The following GPC5 variants were observed in gnomAD, a reference collection of about 807,000 sequenced individuals.
GPC5 encodes glypican-5.
A neutral mutation model predicts 53.9 loss-of-function variants in GPC5; 47 were observed. The ratio of observed to expected loss-of-function variants is 0.87; its 90% confidence interval spans 0.69 to 1.11. The LOEUF (loss-of-function observed/expected upper bound fraction) is 1.11, where lower values mean the gene tolerates loss of function less well. Ranked by LOEUF, GPC5 falls within the 50% of genes most tolerant of loss-of-function variation. The probability of loss-of-function intolerance (pLI) is 0.00; values close to 1 mark genes in which losing one functional copy is unlikely to be tolerated. For missense variants in GPC5, 748 were observed against 713.1 expected, an observed-to-expected ratio of 1.05 and a Z score of -0.56; for synonymous variants, 286 against 263.3, an observed-to-expected ratio of 1.09 and a Z score of -0.84.
chr13:92,056,591 A>G (rs1022228164), intron 6 of GPC5, among the ~76,000 whole-genome samples: 5 of 152,206 alleles, frequency 3.3e-5, no homozygotes, highest in East Asian at 1.9e-4. Flanking sequence ...ATGAGAATTA[A>G]TATTTTCTTC....
intron 7 of GPC5, among the ~76,000 whole-genome samples, chr13:92,234,106 C>T (rs2042551708): frequency 6.6e-6 from 1 of 152,138 alleles, no homozygotes; most frequent in African/African-American, 2.4e-5. Context: ...GTGAATAGTG[C>T]TGCAATAAAC....
At chr13:91,402,802 T>G (rs1198624000) in intron 1 of GPC5, among the ~76,000 whole-genome samples, 1 of 152,204 alleles carries the variant, frequency 6.6e-6, no homozygotes, top group Non-Finnish European at 1.5e-5. Context: ...CAATAATGAG[T>G]TGGTTTCAAG....
intron 3 of GPC5, 111 bp downstream of exon 3, chr13:91,693,992 ATAT>A (rs2139818429): frequency 1.2e-6 from 1 of 820,502 alleles, no homozygotes; most frequent in Non-Finnish European, 1.9e-6. Context: ...TCAATCCAAG[ATAT>A]TATTTTTTTA....
intron 7 of GPC5, among the ~76,000 whole-genome samples, chr13:92,838,912 G>C (rs1878321249): frequency 6.6e-6 from 1 of 152,296 alleles, no homozygotes; most frequent in Non-Finnish European, 1.5e-5. Context: ...CTGCCATGAA[G>C]CTTATACTTT....
chr13:92,836,639 C>T (rs1878229132), intron 7 of GPC5, among the ~76,000 whole-genome samples: 1 of 151,842 alleles, frequency 6.6e-6, no homozygotes, highest in Non-Finnish European at 1.5e-5. Context: ...AGTTATTTCC[C>T]TAATGATATT....
At chr13:92,081,447 A>T (rs1254431970) in intron 6 of GPC5, among the ~76,000 whole-genome samples, 4 of 152,218 alleles carry the variant, frequency 2.6e-5, no homozygotes, top group Non-Finnish European at 4.4e-5. Context: ...GCTAAGACAT[A>T]ATAACTGTTG....
chr13:91,409,982 T>C (rs1194131281), intron 1 of GPC5, among the ~76,000 whole-genome samples: 3 of 152,238 alleles, frequency 2.0e-5, no homozygotes, highest in Non-Finnish European at 4.4e-5. Context: ...CATTCCTGTG[T>C]TAATTTGCTT....
intron 7 of GPC5, among the ~76,000 whole-genome samples, chr13:92,577,304 A>G (rs1883217241): frequency 6.6e-6 from 1 of 152,194 alleles, no homozygotes; most frequent in African/African-American, 2.4e-5. Flanking sequence ...ATCTCGCTTT[A>G]GTCCAGAGTT....
Position 92,438,755 on chromosome 13 carries a change from G to A in GPC5, c.1561+293766G>A, listed in dbSNP as rs184054363. On this transcript the variant is annotated intron_variant, in intron 7 of 7. Transcript: ENST00000377067. ...GACATATTGAGGGAATTTTGGAGGC[G>A]GATTCTAAAACAATTGGTAGTTAAA... is the stretch of plus-strand genomic sequence containing the variant. Among the ~76,000 whole-genome samples the A allele has an allele frequency of 1.1e-4, 17 of 151,986 alleles. No individual in the cohort carries two copies. In the East Asian group the frequency reaches 1.5e-3, roughly 14 times the overall value.
intron 6 of GPC5, among the ~76,000 whole-genome samples, chr13:92,053,937 C>G (rs1054142999): frequency 7.4e-4 from 113 of 151,800 alleles, no homozygotes; most frequent in East Asian, 5.8e-4. Flanking sequence ...GAGGCTGAGA[C>G]AGGAGAATCA....
intron 6 of GPC5, among the ~76,000 whole-genome samples, chr13:92,055,430 A>G (rs748337257): frequency 6.6e-6 from 1 of 152,238 alleles, no homozygotes; most frequent in African/African-American, 2.4e-5. Context: ...AAAATTGCTA[A>G]CAAAATTCAA....
chr13:92,385,462 A>G (rs1183375381), intron 7 of GPC5, among the ~76,000 whole-genome samples: 73 of 111,118 alleles, frequency 6.6e-4, no homozygotes, highest in Non-Finnish European at 1.0e-3. Flanking sequence ...ACATATATAC[A>G]CATATATACA....
intron 7 of GPC5, among the ~76,000 whole-genome samples, chr13:92,344,063 A>G (rs1200329552): frequency 3.4e-5 from 5 of 145,092 alleles, no homozygotes; most frequent in African/African-American, 1.3e-4. Flanking sequence ...TTAGAATCTA[A>G]GAAGAATTTC....
intron 7 of GPC5, among the ~76,000 whole-genome samples, chr13:92,176,833 T>C (rs1474789363): frequency 6.6e-6 from 1 of 152,180 alleles, no homozygotes; most frequent in Non-Finnish European, 1.5e-5. Context: ...GACCTAGGTA[T>C]ACACTGCTTC....
At chr13:92,861,523 A>G (rs567863705) in intron 7 of GPC5, among the ~76,000 whole-genome samples, 54 of 152,204 alleles carry the variant, frequency 3.5e-4, no homozygotes, top group South Asian at 6.2e-4. Context: ...ATTATTGTAA[A>G]TATCCATTTC....
intron 4 of GPC5, among the ~76,000 whole-genome samples, chr13:91,733,951 A>G (rs2036758953): frequency 1.3e-5 from 2 of 152,080 alleles, no homozygotes; most frequent in Admixed American, 1.3e-4. Context: ...TCAGTATGAT[A>G]TTGGCTGTGG....
intron 2 of GPC5, among the ~76,000 whole-genome samples, chr13:91,631,360 G>A (rs561675356): frequency 6.6e-6 from 1 of 152,132 alleles, no homozygotes; most frequent in African/African-American, 2.4e-5. Flanking sequence ...TTTTGTACTG[G>A]CAGGTATACA....
At chr13:91,522,050 C>T (rs1022955031) in intron 2 of GPC5, among the ~76,000 whole-genome samples, 10 of 152,218 alleles carry the variant, frequency 6.6e-5, no homozygotes, top group Admixed American at 5.2e-4. Context: ...ATGTATGGCA[C>T]CTCTGTGCCC....
intron 6 of GPC5, among the ~76,000 whole-genome samples, chr13:92,081,904 ACAT>A (rs1292754262): frequency 6.6e-5 from 10 of 152,184 alleles, no homozygotes; most frequent in African/African-American, 1.7e-4. Flanking sequence ...TGTGACATGA[ACAT>A]AATAGTGTAA....
Sources: gnomAD v4.1 joint callset for allele counts (sites outside exome capture counted in the v4.1 genomes callset) on GRCh38, gnomAD v4.1.1 for gene constraint, MANE v1.5 for transcripts, NCBI Gene and HGNC (gene_info 2026-07-23, HGNC 2026-07-21) for gene names.